Variants in ACBD6 observed in about 807,000 individuals in gnomAD.
The protein encoded by ACBD6 is acyl-CoA-binding domain-containing protein 6.
In ACBD6, 28 loss-of-function variants were observed where a neutral mutation model predicts 37.2. The ratio of observed to expected loss-of-function variants is 0.75; its 90% CI spans 0.56 to 1.03. ACBD6 has a LOEUF of 1.03. Ranked by LOEUF, ACBD6 falls within the 50% of genes least tolerant of loss-of-function variation. The pLI, the probability that ACBD6 is intolerant of heterozygous loss-of-function variation, is 0.00. For synonymous variants in ACBD6, 113 were observed against 126.8 expected, an observed-to-expected ratio of 0.89 and a Z score of 0.73; for missense variants, 340 against 337.4, an observed-to-expected ratio of 1.01 and a Z score of -0.06.
At chr1:180,329,211 A>G (rs369931727) in intron 6 of ACBD6, among the ~76,000 whole-genome samples, 13 of 152,216 alleles carry the variant, frequency 8.5e-5, no homozygotes, top group South Asian at 2.1e-4. Flanking sequence ...GAACAAAAAC[A>G]TCATTTACTG....
chr1:180,473,442 G>A (rs1441315278), intron 3 of ACBD6, among the ~76,000 whole-genome samples: 3 of 114,526 alleles, frequency 2.6e-5, no homozygotes, highest in African/African-American at 3.7e-5. Context: ...GCGAGACTCC[G>A]TCTCAAAAAA....
chr1:180,414,719 A>G (rs1186696215), intron 4 of ACBD6, among the ~76,000 whole-genome samples: 1 of 152,208 alleles, frequency 6.6e-6, no homozygotes, highest in Non-Finnish European at 1.5e-5. Flanking sequence ...AGAACAGGGG[A>G]AAAACAACTT....
At chr1:180,487,559 T>C (rs1383951887) in intron 3 of ACBD6, among the ~76,000 whole-genome samples, 1 of 152,134 alleles carries the variant, frequency 6.6e-6, no homozygotes, top group Admixed American at 6.5e-5. Flanking sequence ...AGTACCATGT[T>C]TGTGTTCAAG....
intron 10 of ACBD6, chr1:180,274,636 T>A: frequency 6.7e-6 from 10 of 1,491,646 alleles, no homozygotes; most frequent in Non-Finnish European, 8.9e-6. Context: ...TCTTCAAGGA[T>A]CAAAAGAGAC....
intron 3 of ACBD6, among the ~76,000 whole-genome samples, chr1:180,446,124 TC>T (rs1446732720): frequency 6.6e-6 from 1 of 151,666 alleles, no homozygotes; most frequent in Non-Finnish European, 1.5e-5. Context: ...CACCTCAGCC[TC>T]CCAAGTAGCT....
At chr1:180,473,317 G>T (rs2102060178) in intron 3 of ACBD6, among the ~76,000 whole-genome samples, 1 of 150,820 alleles carries the variant, frequency 6.6e-6, no homozygotes, top group East Asian at 1.9e-4. Context: ...CGTAGTGGCG[G>T]GCGCCTGTAG....
intron 5 of ACBD6, among the ~76,000 whole-genome samples, chr1:180,404,630 G>GT (rs1256276821): frequency 6.6e-5 from 10 of 151,882 alleles, no homozygotes; most frequent in Admixed American, 2.0e-4. Context: ...GCTAATTTTT[G>GT]TATTTTTAGT....
At chr1:180,292,011 G>T (rs896323197) in intron 7 of ACBD6, among the ~76,000 whole-genome samples, 3 of 152,032 alleles carry the variant, frequency 2.0e-5, no homozygotes, top group Admixed American at 6.6e-5. Flanking sequence ...TCTATTTCTA[G>T]GTTATCTATC....
intron 4 of ACBD6, among the ~76,000 whole-genome samples, chr1:180,422,375 T>G (rs1023580514): frequency 1.8e-4 from 27 of 152,046 alleles, no homozygotes; most frequent in African/African-American, 6.0e-4. Flanking sequence ...ACGGCTAATT[T>G]TTGTATTTTT....
At chr1:180,351,282 T>G (rs1000706004) in intron 6 of ACBD6, among the ~76,000 whole-genome samples, 898 of 4,060 alleles carry the variant, frequency 0.22, 54 homozygotes, top group Admixed American at 0.5. Flanking sequence ...GATATTACGT[T>G]TTTTTTTTTT....
chr1:180,305,959 G>A (rs1385179607), intron 7 of ACBD6, among the ~76,000 whole-genome samples: 1 of 152,072 alleles, frequency 6.6e-6, no homozygotes, highest in East Asian at 1.9e-4. Context: ...TGACATGGAT[G>A]AAGCTGGAAA....
rs534243801 is a variant in ACBD6 at position 180,333,950 on chromosome 1, C to T, written c.664-19228G>A. On this transcript the variant is annotated intron_variant, in intron 6 of 7. Coordinates refer to ENST00000367595, the MANE Select transcript of ACBD6 (RefSeq NM_032360.4). ...AGCAGTCTGAGATCAAACTGCAAGGCGGCAGTGAGGCTGGGGGAGGGGCGC... is the reference window on the plus strand; with the variant it reads ...AGCAGTCTGAGATCAAACTGCAAGGTGGCAGTGAGGCTGGGGGAGGGGCGC... Among the ~76,000 whole-genome samples the T allele has an allele frequency of 8.5e-5, 13 of 152,304 alleles. 1 individual carries two copies. In the South Asian group the frequency reaches 1.5e-3, roughly 17 times the overall value.
intron 3 of ACBD6, among the ~76,000 whole-genome samples, chr1:180,477,977 T>TAA (rs1464945521): frequency 3.3e-5 from 4 of 121,998 alleles, no homozygotes; most frequent in African/African-American, 1.6e-4. Context: ...CTCCATCTCT[T>TAA]TAAAAAAAAA....
At chr1:180,501,623 T>A (rs113130918) in intron 1 of ACBD6, among the ~76,000 whole-genome samples, 3,139 of 152,328 alleles carry the variant, frequency 0.021, 51 homozygotes, top group Middle Eastern at 0.044. Flanking sequence ...CAGCCCTGCA[T>A]CACATTATTA....
At chr1:180,399,736 C>T (rs1234269592) in intron 5 of ACBD6, among the ~76,000 whole-genome samples, 2 of 152,148 alleles carry the variant, frequency 1.3e-5, no homozygotes, top group African/African-American at 4.8e-5. Context: ...TTTAATGAGA[C>T]TCTGAATAAA....
chr1:180,375,255 T>A (rs535849114), intron 6 of ACBD6, among the ~76,000 whole-genome samples: 1 of 152,240 alleles, frequency 6.6e-6, no homozygotes, highest in South Asian at 2.1e-4. Context: ...TGGAAGAGGT[T>A]ATGAAGTCCA....
At chr1:180,430,607 G>A (rs1648773794) in intron 3 of ACBD6, among the ~76,000 whole-genome samples, 1 of 151,400 alleles carries the variant, frequency 6.6e-6, no homozygotes, top group African/African-American at 2.4e-5. Flanking sequence ...ACATGAATGT[G>A]ATCAGCAAAA....
downstream of ACBD6, chr1:180,287,028 T>C (rs1649524260): frequency 1.3e-5 from 2 of 152,224 alleles, no homozygotes; most frequent in Admixed American, 1.3e-4. Flanking sequence ...ACTATCTACT[T>C]TCCTTATATA....
In ACBD6 at chr1:180,271,375, T is replaced by C. The variant is rs2764449; in HGVS notation, c.*1850A>G. ...AAGCCAGTAAGCAGTGGTTTTTCCT[T>C]GCAGATGACTCAGAGGCTGGAGCTA... On this transcript the variant is annotated 3_prime_UTR_variant, in exon 14 of 14. Coordinates refer to the ACBD6 transcript ENST00000642319. 117,103 of 1,614,018 alleles carry C rather than the reference T, an allele frequency of 0.073. 4,703 individuals are homozygous for C. The highest frequency in any genetic ancestry group is 0.079 in the South Asian group (7,182 of 91,080).
Sources: allele counts gnomAD v4.1 joint callset (sites outside exome capture counted in the v4.1 genomes callset), GRCh38; gene constraint gnomAD v4.1.1; transcripts MANE v1.5; gene names NCBI Gene and HGNC (gene_info 2026-07-23, HGNC 2026-07-21).